Variants in NRXN1 observed in about 807,000 individuals in gnomAD.
NRXN1 encodes neurexin-1.
Under a neutral mutation model 150.9 loss-of-function variants are expected in NRXN1, and 39 were observed. The ratio of observed to expected loss-of-function variants is 0.26; its 90% confidence interval spans 0.20 to 0.34. The LOEUF (loss-of-function observed/expected upper bound fraction) is 0.34. Ranked by LOEUF, NRXN1 falls within the 10% of genes least tolerant of loss-of-function variation. The probability of loss-of-function intolerance (pLI) is 1.00; values close to 1 mark genes in which losing one functional copy is unlikely to be tolerated. For missense variants in NRXN1, 1,815 were observed against 1,949.9 expected, an observed-to-expected ratio of 0.93 and a Z score of 1.30; for synonymous variants, 924 against 757.0, an observed-to-expected ratio of 1.22 and a Z score of -3.62.
At chr2:50,767,014 C>G (rs929258877) in intron 5 of NRXN1, among the ~76,000 whole-genome samples, 2 of 152,012 alleles carry the variant, frequency 1.3e-5, no homozygotes, top group Non-Finnish European at 2.9e-5. Context: ...ACTGGCTAGA[C>G]AAAAGATTCC....
At chr2:51,018,719 C>G (rs994642141) in intron 2 of NRXN1, among the ~76,000 whole-genome samples, 3 of 152,092 alleles carry the variant, frequency 2.0e-5, no homozygotes, top group African/African-American at 7.2e-5. Flanking sequence ...TGACTCACCA[C>G]AGAGGTTGAT....
At chr2:50,210,273 GTGTT>G (rs1432209462) in intron 18 of NRXN1, among the ~76,000 whole-genome samples, 1 of 151,788 alleles carries the variant, frequency 6.6e-6, no homozygotes, top group Admixed American at 6.6e-5. Context: ...TCATCGCACT[GTGTT>G]TGGTTTATTC....
chr2:50,311,130 T>C lies in NRXN1; in HGVS notation c.3365-74160A>G, dbSNP rs531071385. On this transcript the variant is annotated intron_variant, in intron 17 of 22. Transcript: ENST00000401669. ...AAGAGTAATGCTATCTATTCTTCTA[T>C]TAGATAGGGTTTTATATAATACATG... Among the ~76,000 whole-genome samples, 25 of 152,216 alleles carry C rather than the reference T, an allele frequency of 1.6e-4. 1 individual carries two copies. Among genetic ancestry groups the C allele is most frequent in the African/African-American group, 5.5e-4 (23 of 41,552 alleles).
At chr2:50,814,149 C>T (rs983039254) in intron 5 of NRXN1, among the ~76,000 whole-genome samples, 1 of 152,046 alleles carries the variant, frequency 6.6e-6, no homozygotes, top group African/African-American at 2.4e-5. Flanking sequence ...AGACTTTCTA[C>T]CCTCTCTGTT....
chr2:50,188,461 G>T (rs1185430852), intron 18 of NRXN1, among the ~76,000 whole-genome samples: 1 of 152,038 alleles, frequency 6.6e-6, no homozygotes, highest in Non-Finnish European at 1.5e-5. Flanking sequence ...ACATAAGCAT[G>T]GGCAAAAACT....
intron 18 of NRXN1, among the ~76,000 whole-genome samples, chr2:50,185,242 T>C (rs528478239): frequency 6.6e-6 from 1 of 152,194 alleles, no homozygotes; most frequent in East Asian, 1.9e-4. Context: ...CATTTGTTTA[T>C]GGCACACATT....
At chr2:50,503,085 A>G (rs1389136594) in intron 13 of NRXN1, among the ~76,000 whole-genome samples, 1 of 152,140 alleles carries the variant, frequency 6.6e-6, no homozygotes, top group African/African-American at 2.4e-5. Context: ...ATATGGGTGG[A>G]TCACCTGAGG....
chr2:50,172,585 G>A (rs187430993), intron 18 of NRXN1, among the ~76,000 whole-genome samples: 9 of 152,292 alleles, frequency 5.9e-5, no homozygotes, highest in Non-Finnish European at 1.2e-4. Flanking sequence ...CAATTCTAGA[G>A]AAACTGGATG....
At position 51,027,847 on chromosome 2, in the gene NRXN1, T is replaced by G; in HGVS notation, c.427A>C (p.Lys143Gln). 1 of 1,613,294 alleles carries G rather than the reference T, an allele frequency of 6.2e-7. No homozygotes were observed. The highest frequency in any genetic ancestry group is 8.5e-7 in the Non-Finnish European group (1 of 1,179,704). Residue 143 changes from lysine (K) to glutamine (Q), a missense_variant, in exon 2 of 23, where the codon AAG (lysine) becomes CAG (glutamine). Around this residue, in one of 6 missense-constraint regions of NRXN1, gnomAD observed 554 missense variants for 478.8 expected, o/e 1.16. Coordinates refer to ENST00000401669, the MANE Select transcript of NRXN1 (RefSeq NM_001330078.2). ...CTGAACACCGTCATGTCCCTGCGCT[T>G]GGACTTGACCTCCACCCACTTGGCC... is the stretch of plus-strand genomic sequence containing the variant. ...VEAKWVEVKS[K>Q]RRDMTVFSGL... is the part of the protein sequence containing the mutation.
intron 8 of NRXN1, among the ~76,000 whole-genome samples, chr2:50,590,379 T>C (rs1429316359): frequency 6.6e-6 from 1 of 152,156 alleles, no homozygotes; most frequent in African/African-American, 2.4e-5. Flanking sequence ...ATGAACTATT[T>C]TGTTTAATGC....
At chr2:50,024,119 G>A (rs1246933373) in intron 21 of NRXN1, 1 of 152,132 alleles carries the variant, frequency 6.6e-6, no homozygotes, top group Non-Finnish European at 1.5e-5. Flanking sequence ...GATACCTAGG[G>A]AAGAAACAAG....
At chr2:50,983,314 A>T (rs1376435482) in intron 2 of NRXN1, among the ~76,000 whole-genome samples, 2 of 152,082 alleles carry the variant, frequency 1.3e-5, no homozygotes, top group Non-Finnish European at 1.5e-5. Context: ...TCGATAGAAA[A>T]ATCAATTTAT....
chr2:50,199,341 A>G (rs1169380031), intron 18 of NRXN1: 1 of 152,106 alleles, frequency 6.6e-6, no homozygotes, highest in African/African-American at 2.4e-5. Flanking sequence ...TTTTGAAACC[A>G]GGTTTGCTTC....
In NRXN1 at chr2:50,676,086, G is replaced by A. The variant is rs575645124; in HGVS notation, c.833-52471C>T. ...TGGGTCATGGGGGTGGATCCTTCAC[G>A]AATAACTTGGTGCCCTCCCAGAGCT... On this transcript the variant is annotated intron_variant, in intron 5 of 22. Transcript: ENST00000401669. Among the ~76,000 whole-genome samples the A allele has an allele frequency of 2.6e-5, 4 of 152,150 alleles. No homozygotes were observed. The South Asian group carries it at 6.2e-4, about 24-fold the overall frequency.
intron 8 of NRXN1, among the ~76,000 whole-genome samples, chr2:50,559,675 A>C (rs182090072): frequency 2.6e-5 from 4 of 152,310 alleles, no homozygotes; most frequent in African/African-American, 9.6e-5. Context: ...TGTCAAATTT[A>C]ATGTCATTGA....
intron 8 of NRXN1, among the ~76,000 whole-genome samples, chr2:50,579,223 T>C (rs941803238): frequency 2.6e-5 from 4 of 152,180 alleles, no homozygotes; most frequent in African/African-American, 7.2e-5. Flanking sequence ...GGAAAACTGA[T>C]TATTAGCTAT....
chr2:50,513,064 T>C (rs570006868), intron 12 of NRXN1, among the ~76,000 whole-genome samples: 1 of 152,210 alleles, frequency 6.6e-6, no homozygotes, highest in African/African-American at 2.4e-5. Flanking sequence ...TGTTAGCTTC[T>C]TTGAGCTTTC....
chr2:50,915,362 C>T (rs1685069717), intron 5 of NRXN1, among the ~76,000 whole-genome samples: 2 of 151,610 alleles, frequency 1.3e-5, no homozygotes, highest in African/African-American at 4.8e-5. Context: ...TACCTCCAGT[C>T]CATGAAAAAA....
chr2:50,282,459 T>C (rs113625525), intron 17 of NRXN1, among the ~76,000 whole-genome samples: 2 of 152,238 alleles, frequency 1.3e-5, no homozygotes, highest in African/African-American at 4.8e-5. Flanking sequence ...AAATACAATA[T>C]TCACAGGATA....
Sources: allele counts gnomAD v4.1 joint callset (sites outside exome capture counted in the v4.1 genomes callset), GRCh38; gene constraint gnomAD v4.1.1; regional missense constraint gnomAD v4.1.1; transcripts MANE v1.5; gene names NCBI Gene and HGNC (gene_info 2026-07-23, HGNC 2026-07-21).